Variants in VPS33B observed in about 807,000 individuals in gnomAD.
VPS33B encodes VPS33B late endosome and lysosome associated.
Under a neutral mutation model 95.3 loss-of-function variants are expected in VPS33B, and 80 were observed. The ratio of observed to expected loss-of-function variants is 0.84; its 90% CI spans 0.70 to 1.01. The LOEUF is 1.01. Among genes scored for constraint, VPS33B ranks in the 50% least tolerant of loss-of-function variants. The pLI, the probability that VPS33B is intolerant of heterozygous loss-of-function variation, is 0.00. For missense variants in VPS33B, 715 were observed against 773.4 expected (o/e 0.92, Z 0.90); for synonymous variants, 280 against 280.4 (o/e 1.00, Z 0.01).
At position 91,015,882 on chromosome 15, in the gene VPS33B, A is replaced by G. The variant is rs2040910049; in HGVS notation, c.239+1081T>C. On this transcript the variant is annotated intron_variant, in intron 3 of 22. Transcript: ENST00000333371. This position sits in a 1 kb window ranked among gnomAD's most constrained non-coding sequence, Gnocchi z 4.7. The stretch of plus-strand genomic sequence containing the variant: ...ATTTAAATATAAGAAAGTAATAGAA[A>G]ATATTTTTTTTCAAACTGGGGTACA... 6.6e-6 allele frequency among the ~76,000 whole-genome samples: 1 copy of G among 152,018 alleles called. No homozygotes were observed. Among genetic ancestry groups the G allele is most frequent in the African/African-American group, 2.4e-5 (1 of 41,394 alleles).
chr15:91,014,168 G>A (rs577374417), intron 4 of VPS33B, among the ~76,000 whole-genome samples: 12 of 145,908 alleles, frequency 8.2e-5, no homozygotes, highest in East Asian at 4.1e-4. Context: ...GCAGTGAGCC[G>A]AGATCGTGCC....
rs752786154 is a variant in VPS33B, at chr15:91,017,767, TA to T, written c.177+37del. On this transcript the variant is annotated intron_variant, in intron 2 of 22. Transcript: ENST00000333371. Reference sequence around the variant, plus strand: ...ATTGTTCATCAAAAGAAAAACTGCTTAAAGAGGGGCATGGCCCCCAGGGGAA... The same window carrying T: ...ATTGTTCATCAAAAGAAAAACTGCTTAAGAGGGGCATGGCCCCCAGGGGAA... The T allele has an allele frequency of 5.1e-5, 82 of 1,601,504 alleles. No individual in the cohort carries two copies. In the East Asian group the frequency reaches 1.8e-3, roughly 34 times the overall value.
Position 91,009,999 on chromosome 15 carries a change from T to C in VPS33B, c.358-153A>G, listed in dbSNP as rs1336207087. ...ACTCTTAAGATCTAGAAAGAACCAT[T>C]AGAATCATTCAGCCCAGCACTTCAG... On this transcript the variant is annotated intron_variant, in intron 5 of 22. Transcript: ENST00000333371. This position sits in a 1 kb window ranked among gnomAD's most constrained non-coding sequence, Gnocchi z 4.1. Among the ~76,000 whole-genome samples the C allele has an allele frequency of 6.6e-6, 1 of 152,216 alleles. No individual in the cohort carries two copies.
At position 91,014,252 on chromosome 15, in the gene VPS33B, A is replaced by AAGC. The variant is rs537570204; in HGVS notation, c.289+129_289+131dup. 3,016 of 832,218 alleles carry AAGC rather than the reference A, an allele frequency of 3.6e-3. 17 individuals carry two copies. The highest frequency in any genetic ancestry group is 2.9e-3 in the Non-Finnish European group (1,445 of 502,950). The allele number at this position is 832,218 out of a possible 1,614,324, so 51.6% of individuals were successfully genotyped here. A position where few individuals can be genotyped will look rare whatever the true frequency, so the allele number is the denominator to read the frequency against. ...AAAAAAAAAAAAAAAAGAAGCGGGG[A>AAGC]AGCAGACATCCTCCACAAGTGCTAC... On this transcript the variant is annotated intron_variant, in intron 4 of 22. Transcript: ENST00000333371.
Position 90,999,439 on chromosome 15 carries a change from C to T in VPS33B, c.1774+238G>A. The T allele has an allele frequency of 1.8e-6, 1 of 546,362 alleles. No individual in the cohort carries two copies. The highest frequency in any genetic ancestry group is 3.3e-6 in the Non-Finnish European group (1 of 300,024). The allele number at this position is 546,362 out of a possible 1,614,324, so 33.8% of individuals were successfully genotyped here. A position where few individuals can be genotyped will look rare whatever the true frequency, so the allele number is the denominator to read the frequency against. ...GTTCAAGCAATTCTCCTGCCTCAGC[C>T]TCCCGAGTAGTTAGCATTACAGGCA... On this transcript the variant is annotated intron_variant, in intron 22 of 22. Transcript: ENST00000333371. The surrounding 1 kb of genome is among the most constrained non-coding windows in gnomAD (Gnocchi z 5.1).
chr15:90,999,654 C>G lies in VPS33B; in HGVS notation c.1774+23G>C. 1 of 1,612,408 alleles carries G rather than the reference C, an allele frequency of 6.2e-7. No homozygotes were observed. The highest frequency in any genetic ancestry group is 1.1e-5 in the South Asian group (1 of 91,014). ...TACCCAGATACAATGCAGGCCAATTCTCACCTTTCTGCTCTCTCTTACCTT... is the reference window on the plus strand; with the variant it reads ...TACCCAGATACAATGCAGGCCAATTGTCACCTTTCTGCTCTCTCTTACCTT... On this transcript the variant is annotated intron_variant, in intron 22 of 22. Coordinates refer to ENST00000333371, the MANE Select transcript of VPS33B (RefSeq NM_018668.5). The surrounding 1 kb of genome is among the most constrained non-coding windows in gnomAD (Gnocchi z 5.1).
chr15:91,000,080 A>G lies in VPS33B; in HGVS notation c.1582-105T>C. 3 of 1,463,098 alleles carry G rather than the reference A, an allele frequency of 2.1e-6. No homozygotes were observed. Among genetic ancestry groups the G allele is most frequent in the East Asian group, 2.3e-5 (1 of 43,750 alleles). 90.6% of individuals were successfully genotyped at this position (1,463,098 alleles called of 1,614,324 possible). A position where few individuals can be genotyped will look rare whatever the true frequency, so the allele number is the denominator to read the frequency against. ...CACATTTCTTGCTCATTACTCAAGT[A>G]GCAAAAAGTTGAGACAGGGCCAGGT... is the stretch of plus-strand genomic sequence containing the variant. On this transcript the variant is annotated intron_variant, in intron 20 of 22. Transcript: ENST00000333371. This position sits in a 1 kb window ranked among gnomAD's most constrained non-coding sequence, Gnocchi z 4.9.
chr15:91,011,195 T>G lies in VPS33B; in HGVS notation c.358-1349A>C, dbSNP rs10775251. On this transcript the variant is annotated intron_variant, in intron 5 of 22. Transcript: ENST00000333371. The surrounding 1 kb of genome is among the most constrained non-coding windows in gnomAD (Gnocchi z 5.5). ...GTAAGTGGGGAAAGGGTGAATATTTTAAAGTAATGAGAAAGAATGCTGAGG... is the reference window on the plus strand; with the variant it reads ...GTAAGTGGGGAAAGGGTGAATATTTGAAAGTAATGAGAAAGAATGCTGAGG... Among the ~76,000 whole-genome samples the G allele has an allele frequency of 0.58, 88,548 of 152,126 alleles. 29,868 individuals are homozygous for G. Among genetic ancestry groups the G allele is most frequent in the East Asian group, 0.99 (5,149 of 5,188 alleles).
chr15:91,000,733 C>T lies in VPS33B; in HGVS notation c.1480-142G>A. 2.7e-6 allele frequency: 2 copies of T among 742,158 alleles called. No individual in the cohort carries two copies. The highest frequency in any genetic ancestry group is 3.0e-5 in the South Asian group (2 of 66,900). 46.0% of individuals were successfully genotyped at this position (742,158 alleles called of 1,614,324 possible). Reference sequence around the variant, plus strand: ...CAGCAATAGCCCTGAAAAGAGAATCCATAACGGAAGATGGCAGTTTTTGTT... The same window carrying T: ...CAGCAATAGCCCTGAAAAGAGAATCTATAACGGAAGATGGCAGTTTTTGTT... On this transcript the variant is annotated intron_variant, in intron 19 of 22. Coordinates refer to ENST00000333371, the MANE Select transcript of VPS33B (RefSeq NM_018668.5). This position sits in a 1 kb window ranked among gnomAD's most constrained non-coding sequence, Gnocchi z 4.9.
chr15:91,017,375 T>A (rs865993877), intron 2 of VPS33B, among the ~76,000 whole-genome samples: 3,420 of 16,666 alleles, frequency 0.21, 618 homozygotes, highest in East Asian at 0.66. Context: ...TAAATATATA[T>A]ATATATATAT....
At position 91,006,421 on chromosome 15, in the gene VPS33B, A is replaced by C. The variant is rs780582714; in HGVS notation, c.803T>G (p.Val268Gly). ...CTTCAGGCTCTTGTCAGAGGATGTG[A>C]CTTCTGGGCCAAAGTCGACACTCCC... ...KCGSVDFGPEVTSSDKSLKVL... is the reference protein window; with the variant it reads ...KCGSVDFGPEGTSSDKSLKVL... The change falls in exon 11 of 23, where the codon GTC becomes GGC. Residue 268 changes from valine to glycine, a missense_variant. By Grantham distance (109) the Val-to-Gly change is moderately radical. Transcript: ENST00000333371. This position sits in a 1 kb window ranked among gnomAD's most constrained non-coding sequence, Gnocchi z 5.4. 1 of 1,614,178 alleles carries C rather than the reference A, an allele frequency of 6.2e-7. No individual in the cohort carries two copies. The highest frequency in any genetic ancestry group is 8.5e-7 in the Non-Finnish European group (1 of 1,180,028).
rs1451083281 is a variant in VPS33B at position 91,005,322 on chromosome 15, G to T, written c.1105+58C>A. 4 of 1,613,912 alleles carry T rather than the reference G, an allele frequency of 2.5e-6. No individual in the cohort carries two copies. Among genetic ancestry groups the T allele is most frequent in the Admixed American group, 1.7e-5 (1 of 59,996 alleles). ...GAACATCTTTTAAGGGTGGGACGGG[G>T]CTGGGAGCTGGGGAAGTAGAAGCGT... On this transcript the variant is annotated intron_variant, in intron 14 of 22. Transcript: ENST00000333371. This position sits in a 1 kb window ranked among gnomAD's most constrained non-coding sequence, Gnocchi z 6.4.
chr15:91,003,200 T>C, intron 16 of VPS33B, 69 bp from the exon 17 acceptor site: 2 of 1,498,674 alleles, frequency 1.3e-6, no homozygotes, highest in South Asian at 1.1e-5. Flanking sequence ...AATGTACAGA[T>C]CAACCAGCAA....
chr15:91,001,376 C>T lies in VPS33B; in HGVS notation c.1479+13G>A. The T allele has an allele frequency of 6.2e-7, 1 of 1,610,802 alleles. No homozygotes were observed. Among genetic ancestry groups the T allele is most frequent in the Non-Finnish European group, 8.5e-7 (1 of 1,177,150 alleles). On this transcript the variant is annotated intron_variant, in intron 19 of 22. Transcript: ENST00000333371. ...AACCCACTGTCTCCCCTAACCATCC[C>T]TGTTCCACATACCAAATTCAGCTTT...
rs1596358564 is a variant in VPS33B, at chr15:91,007,512, TAG to T, written c.558_559del (p.Tyr187TrpfsTer18). 1 of 1,614,180 alleles carries T rather than the reference TAG, an allele frequency of 6.2e-7. No individual in the cohort carries two copies. The highest frequency in any genetic ancestry group is 1.1e-5 in the South Asian group (1 of 91,086). On this transcript the variant is annotated frameshift_variant, in exon 8 of 23. Transcript: ENST00000333371. LOFTEE classifies it high-confidence loss of function. This position sits in a 1 kb window ranked among gnomAD's most constrained non-coding sequence, Gnocchi z 5.3. ...TCCATAGCAGTTTGGAAAGGGTCCA[TAG>T]AGAGTGCTGAGAAGGTGTAAGGCCT...
intron 18 of VPS33B, 77 bp downstream of exon 18, chr15:91,001,973 G>A: frequency 1.2e-6 from 2 of 1,606,710 alleles, no homozygotes; most frequent in South Asian, 2.2e-5. Flanking sequence ...AATTCATTCT[G>A]TCCCTCCCAG....
chr15:91,012,967 T>C (rs933958151), intron 5 of VPS33B, among the ~76,000 whole-genome samples: 1 of 152,146 alleles, frequency 6.6e-6, no homozygotes, highest in Non-Finnish European at 1.5e-5. Context: ...GCTTTTCCAA[T>C]ATATGGTGGC....
chr15:91,000,379 A>G lies in VPS33B; in HGVS notation c.1581+111T>C. ...GCCACCGCACTCCAGCCTGGGTGACAGAGCAAGACTCCATCTCAAATAAAA... is the reference window on the plus strand; with the variant it reads ...GCCACCGCACTCCAGCCTGGGTGACGGAGCAAGACTCCATCTCAAATAAAA... On this transcript the variant is annotated intron_variant, in intron 20 of 22. Coordinates refer to ENST00000333371, the MANE Select transcript of VPS33B (RefSeq NM_018668.5). This position sits in a 1 kb window ranked among gnomAD's most constrained non-coding sequence, Gnocchi z 4.9. The G allele has an allele frequency of 2.0e-6, 2 of 1,012,252 alleles. No homozygotes were observed. The highest frequency in any genetic ancestry group is 1.4e-6 in the Non-Finnish European group (1 of 694,020). The allele number at this position is 1,012,252 out of a possible 1,614,324, so 62.7% of individuals were successfully genotyped here.
Position 91,009,625 on chromosome 15 carries a change from G to A in VPS33B, c.403+176C>T, listed in dbSNP as rs544240352. On this transcript the variant is annotated intron_variant, in intron 6 of 22. Coordinates refer to ENST00000333371, the MANE Select transcript of VPS33B (RefSeq NM_018668.5). This position sits in a 1 kb window ranked among gnomAD's most constrained non-coding sequence, Gnocchi z 4.1. ...CCAGCCCCCAGTAGTGTTCTAATTCGTGGTCCTATTCCCATTCCCATTCTC... is the reference window on the plus strand; with the variant it reads ...CCAGCCCCCAGTAGTGTTCTAATTCATGGTCCTATTCCCATTCCCATTCTC... 2.0e-5 allele frequency among the ~76,000 whole-genome samples: 3 copies of A among 148,648 alleles called. No individual in the cohort carries two copies. The highest frequency in any genetic ancestry group is 7.4e-5 in the African/African-American group (3 of 40,402).
Sources: allele counts gnomAD v4.1 joint callset (sites outside exome capture counted in the v4.1 genomes callset), GRCh38; gene constraint gnomAD v4.1.1; non-coding constraint Gnocchi (gnomAD v3.1); transcripts MANE v1.5; gene names NCBI Gene and HGNC (gene_info 2026-07-23, HGNC 2026-07-21).